BROX: variants seen among roughly 807,000 people sequenced by gnomAD.
The protein encoded by BROX is BRO1 domain-containing protein BROX.
Under a neutral mutation model 61.0 loss-of-function variants are expected in BROX, and 53 were observed. That is an observed-to-expected ratio of 0.87 (90% CI 0.70 to 1.09). The LOEUF (loss-of-function observed/expected upper bound fraction) is 1.09. Among genes scored for constraint, BROX ranks in the 50% least tolerant of loss-of-function variants. The pLI, the probability that BROX is intolerant of heterozygous loss-of-function variation, is 0.00. For missense variants in BROX, 489 were observed against 472.0 expected (o/e 1.04, Z -0.33); for synonymous variants, 152 against 160.2 (o/e 0.95, Z 0.38).
rs780773590 is a variant in BROX, at chr1:222,732,676, A to G, written c.1198A>G (p.Ile400Val). The G allele has an allele frequency of 2.5e-6, 4 of 1,613,670 alleles. No individual in the cohort carries two copies. Among genetic ancestry groups the G allele is most frequent in the Non-Finnish European group, 3.4e-6 (4 of 1,179,796 alleles). The change falls in exon 13 of 13, where the codon ATC (isoleucine) becomes GTC (valine). Residue 400 changes from isoleucine (I) to valine (V), a missense_variant. Transcript: ENST00000340934. Reference protein sequence around the residue: ...EEVKPVKEPDIKPQKDTGCYI... With the variant: ...EEVKPVKEPDVKPQKDTGCYI... Reference sequence around the variant, plus strand: ...AGTGAAACCTGTGAAAGAACCAGACATCAAACCTCAAAAGGACACTGGGTG... The same window carrying G: ...AGTGAAACCTGTGAAAGAACCAGACGTCAAACCTCAAAAGGACACTGGGTG...
intron 1 of BROX, chr1:222,713,618 G>A: frequency 5.1e-6 from 1 of 194,534 alleles, no homozygotes; most frequent in Non-Finnish European, 9.4e-6. Flanking sequence ...CCGCCGGGTC[G>A]CAGAAGGGGA....
At chr1:222,713,466 G>C in intron 1 of BROX, 1 of 979,898 alleles carries the variant, frequency 1.0e-6, no homozygotes. Context: ...TCCCTTGTTA[G>C]GAGCGGGAGT....
At position 222,712,737 on chromosome 1, in the gene BROX, T is replaced by G; in HGVS notation, c.-222T>G. On this transcript the variant is annotated 5_prime_UTR_variant, in exon 1 of 13. Transcript: ENST00000340934. ...TGAGGGGACTGCAACGCCGCGGCAA[T>G]ACCCGCCCCTGAGCTGCGCGCACTA... is the stretch of plus-strand genomic sequence containing the variant. The G allele has an allele frequency of 3.1e-6, 4 of 1,289,548 alleles. No homozygotes were observed. The highest frequency in any genetic ancestry group is 2.0e-6 in the Non-Finnish European group (2 of 989,012). The allele number at this position is 1,289,548 out of a possible 1,614,324, so 79.9% of individuals were successfully genotyped here. A position where few individuals can be genotyped will look rare whatever the true frequency, so the allele number is the denominator to read the frequency against.
chr1:222,723,906 G>A (rs1002483079), intron 5 of BROX, among the ~76,000 whole-genome samples, 186 bp from the exon 6 acceptor site: 8 of 152,122 alleles, frequency 5.3e-5, no homozygotes, highest in Admixed American at 2.6e-4. Context: ...CAACCTGCCC[G>A]TCTCGGCCTC....
intron 3 of BROX, 49 bp from the exon 4 acceptor site, chr1:222,719,214 T>C: frequency 7.0e-7 from 1 of 1,423,144 alleles, no homozygotes; most frequent in African/African-American, 1.4e-5. Flanking sequence ...GAACACTCAA[T>C]ATTTCTTCTA....
At position 222,718,928 on chromosome 1, in the gene BROX, C is replaced by T. The variant is rs747143013; in HGVS notation, c.105C>T (p.Asp35=). The T allele has an allele frequency of 6.2e-7, 1 of 1,613,030 alleles. No individual in the cohort carries two copies. The highest frequency in any genetic ancestry group is 8.5e-7 in the Non-Finnish European group (1 of 1,179,332). Residue 35 remains aspartate (D), a synonymous_variant, in exon 3 of 13, where the codon GAC becomes GAT. Coordinates refer to ENST00000340934, the MANE Select transcript of BROX (RefSeq NM_144695.4). ...GTCTTTTTGTATCTCTTATAAGTGA[C>T]TTGAGGTCATCCAGGGCACGACTCC... ...TGPSASKICN[D]LRSSRARLLE...
chr1:222,731,528 T>G lies in BROX; in HGVS notation c.1149+12T>G, dbSNP rs79573184. 26 of 1,110,904 alleles carry G rather than the reference T, an allele frequency of 2.3e-5. No homozygotes were observed. The highest frequency in any genetic ancestry group is 3.5e-5 in the African/African-American group (2 of 57,226). The allele number at this position is 1,110,904 out of a possible 1,614,324, so 68.8% of individuals were successfully genotyped here. ...CCAAGGATGACAGTGTATGAGATTGTTTTTTTTTTTCCCTCTCATTCACAA... is the reference window on the plus strand; with the variant it reads ...CCAAGGATGACAGTGTATGAGATTGGTTTTTTTTTTCCCTCTCATTCACAA... On this transcript the variant is annotated intron_variant, in intron 12 of 12. Transcript: ENST00000340934.
chr1:222,724,342 A>T (rs1298177979), intron 6 of BROX, among the ~76,000 whole-genome samples, 178 bp downstream of exon 6: 1 of 152,208 alleles, frequency 6.6e-6, no homozygotes, highest in Non-Finnish European at 1.5e-5. Flanking sequence ...TAAATATTAA[A>T]TGTCTCCATT....
At position 222,733,565 on chromosome 1, in the gene BROX, T is replaced by C. The variant is rs535904523; in HGVS notation, c.*851T>C. 6 of 152,294 alleles carry C rather than the reference T, an allele frequency of 3.9e-5. No individual in the cohort carries two copies. Among genetic ancestry groups the C allele is most frequent in the African/African-American group, 7.2e-5 (3 of 41,538 alleles). The allele number at this position is 152,294 out of a possible 1,614,324, so 9.4% of individuals were successfully genotyped here. On this transcript the variant is annotated 3_prime_UTR_variant, in exon 13 of 13. Coordinates refer to ENST00000340934, the MANE Select transcript of BROX (RefSeq NM_144695.4). ...CTGGTGGAGAATAAAAAGTCACTTA[T>C]AGTTAAAGATCAGAAAATTATCACA...
At chr1:222,716,537 C>T (rs1207743620) in intron 2 of BROX, among the ~76,000 whole-genome samples, 1 of 152,196 alleles carries the variant, frequency 6.6e-6, no homozygotes, top group Non-Finnish European at 1.5e-5. Context: ...AATTGTATGG[C>T]TTAGATCAGG....
At chr1:222,715,897 T>C (rs375550574) in intron 2 of BROX, 97 bp downstream of exon 2, 11 of 631,650 alleles carry the variant, frequency 1.7e-5, no homozygotes, top group African/African-American at 1.3e-4. Flanking sequence ...AAGTTTGTTA[T>C]AAATTTATAA....
At chr1:222,714,841 A>G (rs1558224039) in intron 1 of BROX, among the ~76,000 whole-genome samples, 2 of 152,118 alleles carry the variant, frequency 1.3e-5, no homozygotes, top group Non-Finnish European at 2.9e-5. Flanking sequence ...CGGCCTTCCA[A>G]ACTGCTGAGA....
Position 222,712,904 on chromosome 1 carries a change from T to C in BROX, c.-55T>C, listed in dbSNP as rs1461222929. ...GTGGACTCCGATATATTGCCCTTCT[T>C]CCCTTAGAAGAACTGCTGAACCGAC... On this transcript the variant is annotated 5_prime_UTR_variant, in exon 1 of 13. Coordinates refer to ENST00000340934, the MANE Select transcript of BROX (RefSeq NM_144695.4). The C allele has an allele frequency of 8.2e-6, 10 of 1,225,464 alleles. No homozygotes were observed. Among genetic ancestry groups the C allele is most frequent in the Non-Finnish European group, 1.0e-5 (10 of 952,860 alleles). 75.9% of individuals were successfully genotyped at this position (1,225,464 alleles called of 1,614,324 possible). A position where few individuals can be genotyped will look rare whatever the true frequency, so the allele number is the denominator to read the frequency against.
intron 2 of BROX, 50 bp from the exon 3 acceptor site, chr1:222,718,875 G>A (rs1656839586): frequency 6.9e-7 from 1 of 1,451,916 alleles, no homozygotes; most frequent in African/African-American, 1.4e-5. Flanking sequence ...CTTTTATGTA[G>A]ATTGATTGCA....
chr1:222,731,392 T>A lies in BROX; in HGVS notation c.1025T>A (p.Leu342Gln). 8 of 1,576,220 alleles carry A rather than the reference T, an allele frequency of 5.1e-6. No homozygotes were observed. The highest frequency in any genetic ancestry group is 6.8e-6 in the Non-Finnish European group (8 of 1,169,880). ...FQKIPTEAPQ[L>Q]ELKANYGLVE... ...AAAATTCCAACAGAAGCCCCACAGC[T>A]GGAACTCAAAGCAAATTATGGTCTC... The change falls in exon 12 of 13, where the codon CTG becomes CAG. Residue 342 changes from leucine (L) to glutamine (Q), a missense_variant. By Grantham distance (113) the Leu-to-Gln change is moderately radical (BLOSUM62 -2). Coordinates refer to ENST00000340934, the MANE Select transcript of BROX (RefSeq NM_144695.4).
At position 222,730,058 on chromosome 1, in the gene BROX, A is replaced by G. The variant is rs1209523401; in HGVS notation, c.870A>G (p.Glu290=). 2.2e-5 allele frequency: 35 copies of G among 1,612,472 alleles called. No homozygotes were observed. The highest frequency in any genetic ancestry group is 5.0e-5 in the Admixed American group (3 of 59,656). The stretch of plus-strand genomic sequence containing the variant: ...CAAAGGCAGAAGCACTGTGTAAAGA[A>G]TATGGAGAAACCAAAGGACCTGGAC... ...LYAKAEALCK[E]YGETKGPGPT... The change falls in exon 11 of 13, where the codon GAA becomes GAG. Residue 290 remains glutamate, a synonymous_variant. Transcript: ENST00000340934.
intron 12 of BROX, 95 bp downstream of exon 12, chr1:222,731,611 A>G (rs1657946517): frequency 7.7e-7 from 1 of 1,306,048 alleles, no homozygotes; most frequent in South Asian, 1.4e-5. Context: ...ATAGATACAT[A>G]TCTTTGTCTA....
At chr1:222,731,605 A>G (rs1001127741) in intron 12 of BROX, 89 bp downstream of exon 12, 2 of 1,343,856 alleles carry the variant, frequency 1.5e-6, no homozygotes, top group Admixed American at 5.0e-5. Context: ...CTCTAAATAG[A>G]TACATATCTT....
Position 222,712,871 on chromosome 1 carries a change from T to C in BROX, c.-88T>C. 1 of 1,270,410 alleles carries C rather than the reference T, an allele frequency of 7.9e-7. No individual in the cohort carries two copies. Among genetic ancestry groups the C allele is most frequent in the Non-Finnish European group, 1.0e-6 (1 of 976,764 alleles). The allele number at this position is 1,270,410 out of a possible 1,614,324, so 78.7% of individuals were successfully genotyped here. On this transcript the variant is annotated 5_prime_UTR_variant, in exon 1 of 13. Transcript: ENST00000340934. Reference sequence around the variant, plus strand: ...TCTCGGTTCTCCGACTCCCTCTTTTTCTCGCTTGTGGACTCCGATATATTG... The same window carrying C: ...TCTCGGTTCTCCGACTCCCTCTTTTCCTCGCTTGTGGACTCCGATATATTG...
Sources: allele counts gnomAD v4.1 joint callset (sites outside exome capture counted in the v4.1 genomes callset), GRCh38; gene constraint gnomAD v4.1.1; transcripts MANE v1.5; gene names NCBI Gene and HGNC (gene_info 2026-07-23, HGNC 2026-07-21).